The following OTUD3 variants were observed in gnomAD, a reference collection of about 807,000 sequenced individuals.
OTUD3 encodes OTU deubiquitinase 3.
In OTUD3, 24 loss-of-function variants were observed where a neutral mutation model predicts 46.2. The ratio of observed to expected loss-of-function variants is 0.52; its 90% confidence interval spans 0.38 to 0.73. OTUD3 has a LOEUF of 0.73. Among genes scored for constraint, OTUD3 ranks in the 30% least tolerant of loss-of-function variants. The pLI, the probability that OTUD3 is intolerant of heterozygous loss-of-function variation, is 0.00. For synonymous variants in OTUD3, 189 were observed against 195.4 expected (o/e 0.97, Z 0.27); for missense variants, 455 against 523.3 (o/e 0.87, Z 1.27).
At chr1:19,903,116 C>T (rs1199411752) in intron 4 of OTUD3, among the ~76,000 whole-genome samples, 1 of 136,426 alleles carries the variant, frequency 7.3e-6, no homozygotes, top group Non-Finnish European at 1.5e-5. Context: ...GGTGTGATCT[C>T]GGCTCACTGC....
intron 4 of OTUD3, 35 bp downstream of exon 4, chr1:19,897,697 G>C: frequency 1.9e-6 from 3 of 1,602,582 alleles, no homozygotes; most frequent in Non-Finnish European, 2.6e-6. Flanking sequence ...CGTATTCCCC[G>C]CCCTACAGGA....
chr1:19,907,856 A>G lies in OTUD3; in HGVS notation c.*110A>G. ...AAACGCAACACAACCAACGAAGCCC[A>G]CACATGAGCTCACACACTGAGTTAG... On this transcript the variant is annotated 3_prime_UTR_variant, in exon 8 of 8. Coordinates refer to ENST00000375120, the MANE Select transcript of OTUD3 (RefSeq NM_015207.2). 1 of 961,822 alleles carries G rather than the reference A, an allele frequency of 1.0e-6. No individual in the cohort carries two copies. Among genetic ancestry groups the G allele is most frequent in the Non-Finnish European group, 1.5e-6 (1 of 647,026 alleles). 59.6% of individuals were successfully genotyped at this position (961,822 alleles called of 1,614,324 possible). A position where few individuals can be genotyped will look rare whatever the true frequency, so the allele number is the denominator to read the frequency against.
chr1:19,905,209 C>T (rs2045642858), intron 6 of OTUD3, among the ~76,000 whole-genome samples: 4 of 152,100 alleles, frequency 2.6e-5, no homozygotes, highest in Admixed American at 2.6e-4. Flanking sequence ...GACAGATAAA[C>T]TGGTGCGATA....
Position 19,906,438 on chromosome 1 carries a change from A to G in OTUD3, c.842A>G (p.Glu281Gly). The G allele has an allele frequency of 1.2e-6, 2 of 1,613,816 alleles. No homozygotes were observed. The highest frequency in any genetic ancestry group is 1.7e-6 in the Non-Finnish European group (2 of 1,179,798). ...RMNQGKRNNA[E>G]ENLEPSGRVL... Reference sequence around the variant, plus strand: ...AAATGTCTTTCTTTGGAAGATGCAGAAGAGAATCTTGAGCCCAGTGGTCGA... The same window carrying G: ...AAATGTCTTTCTTTGGAAGATGCAGGAGAGAATCTTGAGCCCAGTGGTCGA... Residue 281 changes from glutamate (E) to glycine (G), a missense_variant, in exon 7 of 8, where the codon GAA (glutamate) becomes GGA (glycine). Glu to Gly is a moderately conservative substitution (Grantham distance 98). Coordinates refer to ENST00000375120, the MANE Select transcript of OTUD3 (RefSeq NM_015207.2).
At position 19,911,240 on chromosome 1, in the gene OTUD3, A is replaced by G. The variant is rs1001761141; in HGVS notation, c.*3494A>G. 6.6e-6 allele frequency: 1 copy of G among 152,302 alleles called. No homozygotes were observed. Among genetic ancestry groups the G allele is most frequent in the Non-Finnish European group, 1.5e-5 (1 of 68,026 alleles). The allele number at this position is 152,302 out of a possible 1,614,324, so 9.4% of individuals were successfully genotyped here. On this transcript the variant is annotated 3_prime_UTR_variant, in exon 8 of 8. Coordinates refer to ENST00000375120, the MANE Select transcript of OTUD3 (RefSeq NM_015207.2). ...CTAGCCATGTTAAATCTTTAGACTCAGTCTGATGCCGTTTTTCTGTTTTGC... is the reference window on the plus strand; with the variant it reads ...CTAGCCATGTTAAATCTTTAGACTCGGTCTGATGCCGTTTTTCTGTTTTGC...
rs558045634 is a variant in OTUD3 at position 19,894,613 on chromosome 1, A to G, written c.483+133A>G. 1.3e-5 allele frequency: 7 copies of G among 553,792 alleles called. No homozygotes were observed. The Admixed American group carries it at 2.1e-4, about 17-fold the overall frequency. 34.3% of individuals were successfully genotyped at this position (553,792 alleles called of 1,614,324 possible). A position where few individuals can be genotyped will look rare whatever the true frequency, so the allele number is the denominator to read the frequency against. ...ACTTGGTCTACGAGCCTAACCAAAG[A>G]CAAAAATCTTGTGATGGCTCAGAAG... On this transcript the variant is annotated intron_variant, in intron 3 of 7. Coordinates refer to ENST00000375120, the MANE Select transcript of OTUD3 (RefSeq NM_015207.2).
At chr1:19,887,109 G>A (rs2045374809) in intron 1 of OTUD3, among the ~76,000 whole-genome samples, 1 of 131,702 alleles carries the variant, frequency 7.6e-6, no homozygotes, top group Non-Finnish European at 1.6e-5. Flanking sequence ...GGAGACATTA[G>A]AGTTTGTTGT....
At position 19,904,445 on chromosome 1, in the gene OTUD3, G is replaced by A. The variant is rs1052446215; in HGVS notation, c.738+47G>A. 13 of 1,564,982 alleles carry A rather than the reference G, an allele frequency of 8.3e-6. No homozygotes were observed. The African/African-American group carries it at 1.5e-4, about 18-fold the overall frequency. The stretch of plus-strand genomic sequence containing the variant: ...GAATGATTTAGAAGCAAGCATTGCT[G>A]TGCCTAGCTTACTTCTTAGTTTCGT... On this transcript the variant is annotated intron_variant, in intron 5 of 7. Transcript: ENST00000375120.
chr1:19,898,586 G>A (rs904760686), intron 4 of OTUD3, among the ~76,000 whole-genome samples: 4 of 151,812 alleles, frequency 2.6e-5, no homozygotes, highest in Non-Finnish European at 5.9e-5. Flanking sequence ...AAATTAGCCG[G>A]GTGTGGTGGC....
intron 7 of OTUD3, 59 bp downstream of exon 7, chr1:19,906,675 T>C (rs1379310530): frequency 7.3e-7 from 1 of 1,377,642 alleles, no homozygotes; most frequent in African/African-American, 1.5e-5. Context: ...GTGGCAGTGG[T>C]GGTAGCTTGA....
intron 4 of OTUD3, among the ~76,000 whole-genome samples, chr1:19,898,538 G>C (rs1320699236): frequency 6.6e-6 from 1 of 151,750 alleles, no homozygotes; most frequent in Admixed American, 6.6e-5. Flanking sequence ...AGACCAGCCT[G>C]ACCAACACAG....
At position 19,909,163 on chromosome 1, in the gene OTUD3, A is replaced by G. The variant is rs1036524482; in HGVS notation, c.*1417A>G. ...CCCACCCCTCGCATTTCAGAATTAT[A>G]AAAATTCGGAGGCAAATTGAAAACT... On this transcript the variant is annotated 3_prime_UTR_variant, in exon 8 of 8. Coordinates refer to ENST00000375120, the MANE Select transcript of OTUD3 (RefSeq NM_015207.2). 1 of 152,326 alleles carries G rather than the reference A, an allele frequency of 6.6e-6. No homozygotes were observed. The highest frequency in any genetic ancestry group is 2.4e-5 in the African/African-American group (1 of 41,414). The allele number at this position is 152,326 out of a possible 1,614,324, so 9.4% of individuals were successfully genotyped here. A position where few individuals can be genotyped will look rare whatever the true frequency, so the allele number is the denominator to read the frequency against.
chr1:19,883,957 C>G (rs2045318451), intron 1 of OTUD3, among the ~76,000 whole-genome samples: 2 of 152,224 alleles, frequency 1.3e-5, no homozygotes, highest in South Asian at 4.1e-4. Context: ...GTTCACCACA[C>G]TTTGCTGCGT....
In OTUD3 at chr1:19,912,134, A is replaced by T. The variant is rs1248061965; in HGVS notation, c.*4388A>T. The stretch of plus-strand genomic sequence containing the variant: ...ATAGGGAATTTATTCTAAGCAGGTC[A>T]TAGCCGTGATCCAGAGCTGCTGCTG... On this transcript the variant is annotated 3_prime_UTR_variant, in exon 8 of 8. Transcript: ENST00000375120. 1 of 152,430 alleles carries T rather than the reference A, an allele frequency of 6.6e-6. No homozygotes were observed. The highest frequency in any genetic ancestry group is 1.5e-5 in the Non-Finnish European group (1 of 68,062). The allele number at this position is 152,430 out of a possible 1,614,324, so 9.4% of individuals were successfully genotyped here.
At chr1:19,900,893 A>T (rs965735379) in intron 4 of OTUD3, among the ~76,000 whole-genome samples, 1 of 149,526 alleles carries the variant, frequency 6.7e-6, no homozygotes, top group African/African-American at 2.5e-5. Context: ...TTCAAAGGAA[A>T]TCCTATTGAG....
chr1:19,890,225 T>C (rs1426752887), intron 1 of OTUD3, among the ~76,000 whole-genome samples, 160 bp from the exon 2 acceptor site: 1 of 152,232 alleles, frequency 6.6e-6, no homozygotes, highest in East Asian at 1.9e-4. Flanking sequence ...GCCCTCATGC[T>C]GTCCCCCGTG....
intron 3 of OTUD3, among the ~76,000 whole-genome samples, chr1:19,897,321 T>C (rs1162963683): frequency 1.3e-5 from 2 of 152,292 alleles, no homozygotes; most frequent in African/African-American, 4.8e-5. Context: ...CTTACATGAT[T>C]TATTTCCATG....
chr1:19,889,978 A>T (rs538301894), intron 1 of OTUD3, among the ~76,000 whole-genome samples: 2 of 152,204 alleles, frequency 1.3e-5, no homozygotes, highest in South Asian at 4.1e-4. Context: ...TTGTTTTAGA[A>T]AAGAGGCTGT....
Position 19,897,720 on chromosome 1 carries a change from G to A in OTUD3, c.606+58G>A, listed in dbSNP as rs2100289697. The A allele has an allele frequency of 8.4e-6, 13 of 1,538,754 alleles. No homozygotes were observed. The South Asian group carries it at 1.2e-4, about 14-fold the overall frequency. On this transcript the variant is annotated intron_variant, in intron 4 of 7. Coordinates refer to ENST00000375120, the MANE Select transcript of OTUD3 (RefSeq NM_015207.2). ...CCGCCCTACAGGAAACAGATTGAGA[G>A]CTGTATATCTGGCGCTAAAAACCAG...
Sources: gnomAD v4.1 joint callset for allele counts (sites outside exome capture counted in the v4.1 genomes callset) on GRCh38, gnomAD v4.1.1 for gene constraint, MANE v1.5 for transcripts, NCBI Gene and HGNC (gene_info 2026-07-23, HGNC 2026-07-21) for gene names.